Variants in ATP11C observed in about 807,000 individuals in gnomAD.
ATP11C encodes the protein ATPase phospholipid transporting 11C (ATP11C blood group), also known as phospholipid-transporting ATPase IG.
In ATP11C, 36 loss-of-function variants were observed where a neutral mutation model predicts 97.4. The observed-to-expected ratio is 0.37, with a 90% confidence interval of 0.28 to 0.49. The LOEUF (loss-of-function observed/expected upper bound fraction) is 0.49, where lower values mean the gene tolerates loss of function less well. Among genes scored for constraint, ATP11C ranks in the 20% least tolerant of loss-of-function variants. The pLI, the probability that ATP11C is intolerant of heterozygous loss-of-function variation, is 0.98. For synonymous variants in ATP11C, 275 were observed against 290.9 expected, an observed-to-expected ratio of 0.95 and a Z score of 0.56; for missense variants, 730 against 824.6, an observed-to-expected ratio of 0.89 and a Z score of 1.40.
chrX:139,784,525 A>C (rs1433060243), intron 16 of ATP11C, among the ~76,000 whole-genome samples: 1 of 111,291 alleles, frequency 9.0e-6, no homozygotes, highest in Non-Finnish European at 1.9e-5. Context: ...ACCTCGGCAC[A>C]CCACACACAC....
rs1569462672 is a variant in ATP11C at position 139,802,311 on chromosome X, G to A, written c.584C>T (p.Ala195Val). ...ATCGATGGATTCTGCTGTACACAGT[G>A]CAATGGTATCACGTACTGCATAATG... Reference protein sequence around the residue: ...KTHYAVRDTIALCTAESIDTL... With the variant: ...KTHYAVRDTIVLCTAESIDTL... The change falls in exon 7 of 30, where the codon GCA (alanine) becomes GTA (valine). Residue 195 changes from alanine to valine, a missense_variant. Coordinates refer to ENST00000682941, the MANE Select transcript of ATP11C (RefSeq NM_001353812.2). 2.5e-6 allele frequency: 3 copies of A among 1,203,475 alleles called. No homozygotes were observed. Among genetic ancestry groups the A allele is most frequent in the Non-Finnish European group, 2.3e-6 (2 of 888,063 alleles).
At chrX:139,742,926 G>C (rs1485054730) in intron 26 of ATP11C, among the ~76,000 whole-genome samples, 1 of 97,927 alleles carries the variant, frequency 1.0e-5, no homozygotes, top group Non-Finnish European at 2.0e-5. Flanking sequence ...AATAGAGACA[G>C]GGTCTTGCTA....
At chrX:139,743,209 G>A (rs1603338764) in intron 26 of ATP11C, among the ~76,000 whole-genome samples, 1 of 105,755 alleles carries the variant, frequency 9.5e-6, no homozygotes, top group East Asian at 3.0e-4. Flanking sequence ...TCTCTCTCTC[G>A]CTCTCTCTCT....
intron 29 of ATP11C, among the ~76,000 whole-genome samples, chrX:139,729,953 A>T (rs2081308632): frequency 9.0e-6 from 1 of 111,361 alleles, no homozygotes; most frequent in Non-Finnish European, 1.9e-5. Flanking sequence ...GTAGCTCTGC[A>T]GGGTCATGGT....
intron 7 of ATP11C, among the ~76,000 whole-genome samples, chrX:139,801,380 G>A (rs779080566): frequency 6.0e-4 from 67 of 111,972 alleles, no homozygotes; most frequent in Non-Finnish European, 1.1e-3. Flanking sequence ...ATACGGAAGA[G>A]GAAGGGAAAG....
At chrX:139,764,007 A>T (rs987444055) in intron 20 of ATP11C, among the ~76,000 whole-genome samples, 2 of 112,185 alleles carry the variant, frequency 1.8e-5, no homozygotes, top group East Asian at 5.6e-4. Context: ...CAGATGTTGA[A>T]TGTGTGACAG....
intron 18 of ATP11C, among the ~76,000 whole-genome samples, chrX:139,775,869 G>C (rs2082338334): frequency 8.9e-6 from 1 of 112,650 alleles, no homozygotes; most frequent in Non-Finnish European, 1.9e-5. Flanking sequence ...GCCCTACCTA[G>C]GGGAATCTCT....
At chrX:139,853,349 G>A (rs1261089232) in intron 1 of ATP11C, among the ~76,000 whole-genome samples, 2 of 107,827 alleles carry the variant, frequency 1.9e-5, no homozygotes, top group Non-Finnish European at 3.8e-5. Flanking sequence ...GACAGAGAGA[G>A]GGGAAAGACA....
chrX:139,936,120 A>G (rs1024440394), upstream of ATP11C, among the ~76,000 whole-genome samples: 3 of 111,593 alleles, frequency 2.7e-5, no homozygotes, highest in Admixed American at 1.9e-4. Context: ...CAACATAGCA[A>G]GACCTCATCT....
At chrX:139,892,915 GGC>G (rs1449638566) in intron 1 of ATP11C, among the ~76,000 whole-genome samples, 1 of 111,880 alleles carries the variant, frequency 8.9e-6, no homozygotes, top group Non-Finnish European at 1.9e-5. Flanking sequence ...GAGAGTATGA[GGC>G]ACGCCTCTAA....
At chrX:139,804,664 A>G (rs755316004) in intron 5 of ATP11C, 65 bp from the exon 6 acceptor site, 4 of 931,642 alleles carry the variant, frequency 4.3e-6, no homozygotes, top group East Asian at 3.3e-5. Flanking sequence ...CACTCATACA[A>G]AAGTCAAAAC....
chrX:139,871,153 TAAG>T (rs958226539), intron 1 of ATP11C, among the ~76,000 whole-genome samples: 1 of 109,710 alleles, frequency 9.1e-6, no homozygotes, highest in African/African-American at 3.3e-5. Context: ...AAAGTCTAGA[TAAG>T]AAACTGAACA....
chrX:139,931,915 G>A, intron 1 of ATP11C, 101 bp downstream of exon 1: 1 of 977,232 alleles, frequency 1.0e-6, no homozygotes, highest in Middle Eastern at 3.0e-4. Flanking sequence ...GTGTCTCCCA[G>A]AGACGTAACT....
Position 139,768,317 on chromosome X carries a change from T to C in ATP11C, c.2334A>G (p.Ile778Met), listed in dbSNP as rs776204130. Residue 778 changes from isoleucine to methionine, a missense_variant, in exon 20 of 30, where the codon ATA becomes ATG. Ile to Met is a conservative substitution (Grantham distance 10). Coordinates refer to ENST00000682941, the MANE Select transcript of ATP11C (RefSeq NM_001353812.2). ...SNNYKSIFLQICMKCTAVLCC... is the reference protein window; with the variant it reads ...SNNYKSIFLQMCMKCTAVLCC... ...AGAGCACTGCAGTACACTTCATACA[T>C]ATTTGTAGGAAAATGCTTTTGTAAT... 4 of 1,190,346 alleles carry C rather than the reference T, an allele frequency of 3.4e-6. No individual in the cohort carries two copies. Among genetic ancestry groups the C allele is most frequent in the South Asian group, 2.0e-5 (1 of 51,245 alleles).
intron 1 of ATP11C, among the ~76,000 whole-genome samples, chrX:139,908,052 C>G (rs1421696942): frequency 9.0e-6 from 1 of 111,327 alleles, no homozygotes; most frequent in Non-Finnish European, 1.9e-5. Context: ...TCGCCCTCCC[C>G]ATCTCCAGAT....
At chrX:139,742,247 T>C (rs769202572) in intron 26 of ATP11C, among the ~76,000 whole-genome samples, 1 of 111,495 alleles carries the variant, frequency 9.0e-6, no homozygotes, top group Non-Finnish European at 1.9e-5. Context: ...CCCTCCTAAG[T>C]GCTTTATTCA....
At chrX:139,883,381 A>C (rs781479822) in intron 1 of ATP11C, among the ~76,000 whole-genome samples, 1 of 110,696 alleles carries the variant, frequency 9.0e-6, no homozygotes, top group African/African-American at 3.3e-5. Context: ...AACTATTCCC[A>C]AACTTTGCCT....
intron 18 of ATP11C, 98 bp downstream of exon 18, chrX:139,782,449 C>T (rs759853097): frequency 4.6e-4 from 256 of 554,293 alleles, no homozygotes; most frequent in Middle Eastern, 2.3e-3. Context: ...AACAATAAAA[C>T]TAAAGATTTC....
intron 1 of ATP11C, among the ~76,000 whole-genome samples, chrX:139,918,904 A>C (rs910603731): frequency 9.0e-6 from 1 of 111,068 alleles, no homozygotes; most frequent in South Asian, 3.8e-4. Context: ...TCTATGCTTT[A>C]AAGAAAGATG....
Sources: gnomAD v4.1 joint callset for allele counts (sites outside exome capture counted in the v4.1 genomes callset) on GRCh38, gnomAD v4.1.1 for gene constraint, MANE v1.5 for transcripts, NCBI Gene and HGNC (gene_info 2026-07-23, HGNC 2026-07-21) for gene names.